The following STK32A variants were observed in gnomAD, a reference collection of about 807,000 sequenced individuals.
STK32A encodes the protein serine/threonine kinase 32A.
A neutral mutation model predicts 53.2 loss-of-function variants in STK32A; 41 were observed. That is an observed-to-expected ratio of 0.77 (90% CI 0.60 to 1.00). The LOEUF (loss-of-function observed/expected upper bound fraction) is 1.00. STK32A is among the 50% of genes least tolerant of loss of function. The probability of loss-of-function intolerance (pLI) is 0.00; values close to 1 mark genes in which losing one functional copy is unlikely to be tolerated. For missense variants in STK32A, 458 were observed against 485.8 expected (o/e 0.94, Z 0.54); for synonymous variants, 166 against 162.8 (o/e 1.02, Z -0.15).
chr5:147,258,918 T>A (rs1345661970), intron 2 of STK32A, among the ~76,000 whole-genome samples: 4 of 150,624 alleles, frequency 2.7e-5, no homozygotes, highest in African/African-American at 7.5e-5. Context: ...TAGATGGCTT[T>A]TTTTTATTAT....
At chr5:147,399,502 A>G in the STK32A span, among the ~76,000 whole-genome samples, 6 of 152,170 alleles carry the variant, frequency 3.9e-5, no homozygotes, top group African/African-American at 1.4e-4. Context: ...ATTTTTTTCT[A>G]TATGTTCTTA....
At chr5:147,262,784 A>C (rs11741699) in intron 2 of STK32A, among the ~76,000 whole-genome samples, 35,339 of 151,972 alleles carry the variant, frequency 0.23, 4,602 homozygotes, top group Admixed American at 0.33. Context: ...GAAAGGAGAC[A>C]GAGAACTAGA....
At chr5:147,318,199 C>T (rs377084201) in intron 4 of STK32A, among the ~76,000 whole-genome samples, 3 of 152,006 alleles carry the variant, frequency 2.0e-5, no homozygotes, top group South Asian at 4.2e-4. Flanking sequence ...TCTTTTCCTT[C>T]GTCTTTACAA....
Position 147,383,872 on chromosome 5 carries a change from TTTTC to T in STK32A, c.1098-14_1098-11del, listed in dbSNP as rs749634161. The T allele has an allele frequency of 1.4e-6, 2 of 1,458,672 alleles. No individual in the cohort carries two copies. Among genetic ancestry groups the T allele is most frequent in the East Asian group, 2.4e-5 (1 of 42,248 alleles). The allele number at this position is 1,458,672 out of a possible 1,614,324, so 90.4% of individuals were successfully genotyped here. A position where few individuals can be genotyped will look rare whatever the true frequency, so the allele number is the denominator to read the frequency against. ...TTTTCAAAGAATAAAACATCTTTTT[TTTTC>T]TTTTCTTTTTAAGAGTAAACAGGGA... is the stretch of plus-strand genomic sequence containing the variant. On this transcript the variant is annotated splice_polypyrimidine_tract_variant and intron_variant, in intron 12 of 12. Coordinates refer to ENST00000397936, the MANE Select transcript of STK32A (RefSeq NM_001112724.2).
intron 2 of STK32A, among the ~76,000 whole-genome samples, chr5:147,261,283 T>C (rs1754559099): frequency 6.6e-6 from 1 of 152,180 alleles, no homozygotes; most frequent in Non-Finnish European, 1.5e-5. Context: ...AAGGTACTTC[T>C]ATATAGAAGG....
intron 4 of STK32A, among the ~76,000 whole-genome samples, chr5:147,295,185 T>C (rs780535492): frequency 2.0e-5 from 3 of 152,222 alleles, no homozygotes; most frequent in Non-Finnish European, 4.4e-5. Context: ...TTCTACACCA[T>C]ATAACTCAGA....
At chr5:147,307,571 G>A (rs557619644) in intron 4 of STK32A, among the ~76,000 whole-genome samples, 16 of 146,314 alleles carry the variant, frequency 1.1e-4, no homozygotes, top group South Asian at 8.6e-4. Context: ...GCAGTGTGCC[G>A]AGATCATGGC....
chr5:147,295,880 G>A (rs151065526), intron 4 of STK32A, among the ~76,000 whole-genome samples: 20 of 152,246 alleles, frequency 1.3e-4, no homozygotes, highest in South Asian at 4.2e-4. Context: ...AACACAGAGC[G>A]GAGCTCAAAC....
intron 6 of STK32A, among the ~76,000 whole-genome samples, chr5:147,350,683 A>G (rs958980162): frequency 1.6e-4 from 24 of 152,088 alleles, no homozygotes; most frequent in Non-Finnish European, 1.3e-4. Flanking sequence ...GCCTCTTTAA[A>G]AAAAATAATC....
chr5:147,373,407 C>A, intron 10 of STK32A, 113 bp downstream of exon 10: 3 of 1,397,828 alleles, frequency 2.1e-6, no homozygotes, highest in Non-Finnish European at 2.9e-6. Flanking sequence ...AAGAGAGCCC[C>A]AATTCCCATT....
chr5:147,347,252 T>C (rs1465959183), intron 6 of STK32A, among the ~76,000 whole-genome samples: 2 of 151,806 alleles, frequency 1.3e-5, no homozygotes, highest in East Asian at 1.9e-4. Context: ...ACAACAATGA[T>C]GGCTGAATTC....
chr5:147,401,431 T>C, the STK32A span: 1 of 1,287,722 alleles, frequency 7.8e-7, no homozygotes, highest in Non-Finnish European at 1.0e-6. Context: ...CTGTTCACAC[T>C]GCAGACTCTG....
At chr5:147,299,910 G>C (rs1753048373) in intron 4 of STK32A, among the ~76,000 whole-genome samples, 1 of 152,128 alleles carries the variant, frequency 6.6e-6, no homozygotes, top group Non-Finnish European at 1.5e-5. Context: ...CATCAGTGTG[G>C]GGATATGACT....
chr5:147,392,360 A>G (rs1757835856), downstream of STK32A: 1 of 152,220 alleles, frequency 6.6e-6, no homozygotes, highest in African/African-American at 2.4e-5. Context: ...ATTCCTTTGT[A>G]GCCCAGTGTG....
At chr5:147,354,069 G>C (rs910350298) in intron 7 of STK32A, among the ~76,000 whole-genome samples, 13 of 151,714 alleles carry the variant, frequency 8.6e-5, no homozygotes, top group African/African-American at 2.7e-4. Flanking sequence ...CTTTCCAACA[G>C]AAATCTTCTA....
intron 5 of STK32A, among the ~76,000 whole-genome samples, chr5:147,336,737 T>G (rs17482095): frequency 0.074 from 11,196 of 152,202 alleles, 587 homozygotes; most frequent in Admixed American, 0.12. Flanking sequence ...TTCCTTATAA[T>G]TTTCCCTCAC....
chr5:147,247,031 A>G (rs1347752155), intron 2 of STK32A, among the ~76,000 whole-genome samples: 5 of 152,252 alleles, frequency 3.3e-5, no homozygotes, highest in Non-Finnish European at 7.3e-5. Context: ...GTAACTTTTT[A>G]TACTATCCAA....
chr5:147,381,788 TTC>T (rs1757464670), intron 11 of STK32A, among the ~76,000 whole-genome samples: 1 of 152,172 alleles, frequency 6.6e-6, no homozygotes, highest in Non-Finnish European at 1.5e-5. Flanking sequence ...GTTTTCCTTT[TTC>T]TCTCTCTTCT....
chr5:147,365,444 T>C (rs753599521), intron 8 of STK32A, among the ~76,000 whole-genome samples: 1 of 152,116 alleles, frequency 6.6e-6, no homozygotes, highest in Non-Finnish European at 1.5e-5. Context: ...GTAAGCCAAA[T>C]GTGTAAGTCC....
Sources: gnomAD v4.1 joint callset for allele counts (sites outside exome capture counted in the v4.1 genomes callset) on GRCh38, gnomAD v4.1.1 for gene constraint, MANE v1.5 for transcripts, NCBI Gene and HGNC (gene_info 2026-07-23, HGNC 2026-07-21) for gene names.